Variants in NEDD9 observed in about 807,000 individuals in gnomAD.
The protein encoded by NEDD9 is neural precursor cell expressed, developmentally down-regulated 9, also known as enhancer of filamentation 1.
A neutral mutation model predicts 76.6 loss-of-function variants in NEDD9; 26 were observed. The ratio of observed to expected loss-of-function variants is 0.34; its 90% CI spans 0.25 to 0.47. The LOEUF (loss-of-function observed/expected upper bound fraction) is 0.47, where lower values mean the gene tolerates loss of function less well. Ranked by LOEUF, NEDD9 falls within the 20% of genes least tolerant of loss-of-function variation. NEDD9 has a pLI of 1.00. For missense variants in NEDD9, 937 were observed against 1,058.5 expected (o/e 0.89, Z 1.59); for synonymous variants, 392 against 414.2 (o/e 0.95, Z 0.65).
intron 1 of NEDD9, among the ~76,000 whole-genome samples, chr6:11,348,402 A>C (rs965926526): frequency 6.6e-6 from 1 of 152,242 alleles, no homozygotes; most frequent in Non-Finnish European, 1.5e-5. Context: ...ACTACCAATG[A>C]CATTCTTCAC....
chr6:11,264,769 C>T lies in NEDD9; in HGVS notation c.12+41223G>A, dbSNP rs377559572. ...AAAGAGGTTGAAAAAAATATGTTAA[C>T]TGACTTCCTCATCTTTCCTGTCAAG... On this transcript the variant is annotated intron_variant, in intron 3 of 3. Transcript: ENST00000397378. 1.1e-3 allele frequency among the ~76,000 whole-genome samples: 162 copies of T among 152,348 alleles called. 4 individuals are homozygous for T. The South Asian group carries it at 0.033, about 31-fold the overall frequency.
At chr6:11,320,378 T>G (rs1761766038) in intron 2 of NEDD9, among the ~76,000 whole-genome samples, 1 of 152,190 alleles carries the variant, frequency 6.6e-6, no homozygotes, top group Admixed American at 6.5e-5. Context: ...GCCTTTTTCT[T>G]ATCCCAGGAA....
At chr6:11,276,139 C>T (rs79538406) in intron 3 of NEDD9, among the ~76,000 whole-genome samples, 8,257 of 152,174 alleles carry the variant, frequency 0.054, 229 homozygotes, top group Middle Eastern at 0.14. Context: ...GTTGTGCAAA[C>T]AGAAACAGAG....
At chr6:11,357,934 C>T (rs72832925) in intron 1 of NEDD9, among the ~76,000 whole-genome samples, 2 of 152,058 alleles carry the variant, frequency 1.3e-5, no homozygotes, top group East Asian at 3.9e-4. Flanking sequence ...GTGGGTCCCG[C>T]CTCCAGAGGC....
intron 1 of NEDD9, among the ~76,000 whole-genome samples, chr6:11,221,305 C>T (rs1419103419): frequency 1.3e-5 from 2 of 151,606 alleles, no homozygotes; most frequent in African/African-American, 4.9e-5. Context: ...ATTGCTTGAA[C>T]CTGGGAGGCG....
chr6:11,361,470 AG>A (rs989171911), intron 1 of NEDD9, among the ~76,000 whole-genome samples: 4 of 149,970 alleles, frequency 2.7e-5, no homozygotes, highest in African/African-American at 1.0e-4. Context: ...GTCAAGGGGC[AG>A]GGGGGAGGTA....
intron 3 of NEDD9, among the ~76,000 whole-genome samples, chr6:11,274,203 A>G (rs1760372946): frequency 6.6e-6 from 1 of 152,186 alleles, no homozygotes; most frequent in South Asian, 2.1e-4. Context: ...CGGAAGTAAT[A>G]ATAGAGTATT....
intron 1 of NEDD9, among the ~76,000 whole-genome samples, chr6:11,365,053 T>G (rs1356150075): frequency 6.6e-6 from 1 of 152,016 alleles, no homozygotes; most frequent in Non-Finnish European, 1.5e-5. Context: ...GGTGGGCAGA[T>G]TTAGGGGAGC....
intron 1 of NEDD9, among the ~76,000 whole-genome samples, chr6:11,227,184 C>G (rs901377302): frequency 1.4e-4 from 22 of 152,180 alleles, no homozygotes; most frequent in African/African-American, 4.3e-4. Flanking sequence ...GCTTACAATA[C>G]ACATCCAGGC....
rs934117521 is a variant in NEDD9, at chr6:11,319,580, TCACACTAACGCA to T, written c.-152-13437_-152-13426del. 8.3e-5 allele frequency among the ~76,000 whole-genome samples: 9 copies of T among 107,820 alleles called. No individual in the cohort carries two copies. The South Asian group carries it at 1.9e-3, about 23-fold the overall frequency. The allele number at this position is 107,820 out of a possible 152,430, so 70.7% of individuals were successfully genotyped here. ...TGCGGACACACACACTAATATGCAC[TCACACTAACGCA>T]CACACTAACCATGCACACTCACACT... On this transcript the variant is annotated intron_variant, in intron 2 of 3. Transcript: ENST00000397378.
At position 11,183,369 on chromosome 6, in the gene NEDD9, C is replaced by T. The variant is rs1757898727; in HGVS notation, c.*1793G>A. ...ACATACAAGACGGCAAAGAGTAATA[C>T]AGATTGAACATTTGGTTTTAAAAAT... is the stretch of plus-strand genomic sequence containing the variant. On this transcript the variant is annotated 3_prime_UTR_variant, in exon 7 of 7. Coordinates refer to ENST00000379446, the MANE Select transcript of NEDD9 (RefSeq NM_006403.4). 2.0e-5 allele frequency: 3 copies of T among 152,266 alleles called. No homozygotes were observed. Among genetic ancestry groups the T allele is most frequent in the Middle Eastern group, 3.4e-3 (1 of 294 alleles). The allele number at this position is 152,266 out of a possible 1,614,324, so 9.4% of individuals were successfully genotyped here.
chr6:11,297,839 A>G (rs1026181909), intron 3 of NEDD9, among the ~76,000 whole-genome samples: 2 of 151,952 alleles, frequency 1.3e-5, no homozygotes, highest in African/African-American at 4.8e-5. Flanking sequence ...TCAAGGCCCT[A>G]TTACTCAATA....
At chr6:11,247,323 C>T (rs1182608660) in intron 3 of NEDD9, among the ~76,000 whole-genome samples, 10 of 152,184 alleles carry the variant, frequency 6.6e-5, no homozygotes, top group Admixed American at 5.2e-4. Context: ...AACACGGAGT[C>T]CTGGTGCCAT....
At chr6:11,343,581 C>G (rs1162850016) in intron 1 of NEDD9, among the ~76,000 whole-genome samples, 3 of 152,198 alleles carry the variant, frequency 2.0e-5, no homozygotes, top group African/African-American at 7.2e-5. Flanking sequence ...AATGTAACTT[C>G]CATTTGGGCA....
intron 1 of NEDD9, among the ~76,000 whole-genome samples, chr6:11,336,641 G>A (rs1293809696): frequency 6.6e-6 from 1 of 152,164 alleles, no homozygotes; most frequent in Non-Finnish European, 1.5e-5. Flanking sequence ...CACTACTGTA[G>A]ACTTTATAAA....
At chr6:11,339,537 G>T (rs1056929013) in intron 1 of NEDD9, among the ~76,000 whole-genome samples, 1 of 152,170 alleles carries the variant, frequency 6.6e-6, no homozygotes, top group Non-Finnish European at 1.5e-5. Flanking sequence ...AGCAGCTTAT[G>T]TCTGTTGTGC....
chr6:11,191,558 C>T (rs1480189950), intron 4 of NEDD9, among the ~76,000 whole-genome samples: 1 of 152,180 alleles, frequency 6.6e-6, no homozygotes, highest in Non-Finnish European at 1.5e-5. Flanking sequence ...TTGGTTATCA[C>T]ACCAGCTGTG....
At chr6:11,191,314 C>A (rs1408529549) in intron 4 of NEDD9, 109 bp from the exon 5 acceptor site, 2 of 1,173,334 alleles carry the variant, frequency 1.7e-6, no homozygotes, top group African/African-American at 3.1e-5. Context: ...CGCCCTCCCC[C>A]GCCCCAATGT....
intron 1 of NEDD9, among the ~76,000 whole-genome samples, chr6:11,377,070 T>G (rs985010763): frequency 6.6e-6 from 1 of 152,222 alleles, no homozygotes; most frequent in Admixed American, 6.5e-5. Flanking sequence ...GAAGGCTTGG[T>G]GGCTTCCACC....
Sources: gnomAD v4.1 joint callset for allele counts (sites outside exome capture counted in the v4.1 genomes callset) on GRCh38, gnomAD v4.1.1 for gene constraint, MANE v1.5 for transcripts, NCBI Gene and HGNC (gene_info 2026-07-23, HGNC 2026-07-21) for gene names.